Variants in GABRB2 observed in about 807,000 individuals in gnomAD.
GABRB2 encodes gamma-aminobutyric acid receptor subunit beta-2.
In GABRB2, 16 loss-of-function variants were observed where a neutral mutation model predicts 54.7. The ratio of observed to expected loss-of-function variants is 0.29; its 90% CI spans 0.20 to 0.44. The LOEUF (loss-of-function observed/expected upper bound fraction) is 0.44. GABRB2 is among the 20% of genes least tolerant of loss of function. The pLI is 1.00. For missense variants in GABRB2, 355 were observed against 644.0 expected (o/e 0.55, Z 4.86); for synonymous variants, 244 against 233.8 (o/e 1.04, Z -0.40).
chr5:161,417,145 G>A (rs1284097570), intron 4 of GABRB2, among the ~76,000 whole-genome samples: 1 of 152,118 alleles, frequency 6.6e-6, no homozygotes, highest in Non-Finnish European at 1.5e-5. Context: ...AACCATTTTA[G>A]TTAGAAAATG....
chr5:161,496,222 C>G (rs1284615588), intron 3 of GABRB2, among the ~76,000 whole-genome samples: 1 of 152,056 alleles, frequency 6.6e-6, no homozygotes, highest in African/African-American at 2.4e-5. Flanking sequence ...GCTCTTTTTT[C>G]CTACCCATAA....
At chr5:161,363,695 C>A (rs1223469690) in intron 5 of GABRB2, among the ~76,000 whole-genome samples, 10 of 151,988 alleles carry the variant, frequency 6.6e-5, no homozygotes, top group African/African-American at 2.4e-4. Flanking sequence ...GAGCAATGCC[C>A]TGCCTCAAAA....
chr5:161,464,018 T>C (rs1253511530), intron 3 of GABRB2, among the ~76,000 whole-genome samples: 1 of 151,894 alleles, frequency 6.6e-6, no homozygotes, highest in Non-Finnish European at 1.5e-5. Flanking sequence ...ACAGAAGAAA[T>C]TCTCTGACTT....
At chr5:161,445,300 C>T (rs148534848) in intron 4 of GABRB2, among the ~76,000 whole-genome samples, 59 of 152,228 alleles carry the variant, frequency 3.9e-4, no homozygotes, top group African/African-American at 1.3e-3. Flanking sequence ...TTGGCTTTCT[C>T]TTCTTGCAAG....
intron 3 of GABRB2, among the ~76,000 whole-genome samples, chr5:161,516,468 T>C (rs924033571): frequency 6.6e-5 from 10 of 152,214 alleles, no homozygotes; most frequent in Non-Finnish European, 1.0e-4. Context: ...ACTCCTTCTA[T>C]GCCCGTATTA....
At chr5:161,412,984 C>T (rs1419421630) in intron 4 of GABRB2, among the ~76,000 whole-genome samples, 1 of 152,160 alleles carries the variant, frequency 6.6e-6, no homozygotes, top group Non-Finnish European at 1.5e-5. Flanking sequence ...CAGCTCACTG[C>T]AGCCTCAACC....
intron 9 of GABRB2, among the ~76,000 whole-genome samples, chr5:161,318,034 G>A (rs1758094975): frequency 6.6e-6 from 1 of 151,964 alleles, no homozygotes; most frequent in Non-Finnish European, 1.5e-5. Context: ...GCAAAGTACT[G>A]CTGGTGTTTT....
chr5:161,545,315 C>A, intron 2 of GABRB2, 21 bp from the exon 3 acceptor site: 2 of 1,578,728 alleles, frequency 1.3e-6, no homozygotes, highest in Admixed American at 1.9e-5. Flanking sequence ...AGACGGCCAG[C>A]CACGTGATTT....
chr5:161,468,211 T>C (rs1758333411), intron 3 of GABRB2, among the ~76,000 whole-genome samples: 1 of 152,092 alleles, frequency 6.6e-6, no homozygotes, highest in Non-Finnish European at 1.5e-5. Context: ...TTGCTTAAGA[T>C]GGTCTAAAAG....
At chr5:161,382,488 C>T (rs1755499621) in intron 5 of GABRB2, among the ~76,000 whole-genome samples, 1 of 151,986 alleles carries the variant, frequency 6.6e-6, no homozygotes, top group African/African-American at 2.4e-5. Context: ...CGAATGATAC[C>T]ATATCAATAA....
chr5:161,305,426 A>G (rs942559304), intron 9 of GABRB2, among the ~76,000 whole-genome samples: 9 of 152,220 alleles, frequency 5.9e-5, no homozygotes, highest in Non-Finnish European at 1.2e-4. Context: ...ATGAGCTTAC[A>G]TAAGCTCCAA....
chr5:161,440,829 A>G (rs1241604667), intron 4 of GABRB2, among the ~76,000 whole-genome samples: 1 of 152,184 alleles, frequency 6.6e-6, no homozygotes. Context: ...CCTACAGTGA[A>G]CCCATTTTTG....
At chr5:161,483,030 A>C (rs569064243) in intron 3 of GABRB2, among the ~76,000 whole-genome samples, 1 of 152,064 alleles carries the variant, frequency 6.6e-6, no homozygotes, top group African/African-American at 2.4e-5. Context: ...TATTTTTCTT[A>C]GAAATTTGCT....
chr5:161,420,108 T>G (rs577392345), intron 4 of GABRB2, among the ~76,000 whole-genome samples: 24 of 152,326 alleles, frequency 1.6e-4, no homozygotes, highest in African/African-American at 5.8e-4. Context: ...TGCCAGATAC[T>G]TTTTATTGCA....
At chr5:161,302,873 A>G (rs1243478273) in intron 9 of GABRB2, among the ~76,000 whole-genome samples, 1 of 152,246 alleles carries the variant, frequency 6.6e-6, no homozygotes, top group Non-Finnish European at 1.5e-5. Context: ...GGGAGGGCCA[A>G]CATCTTTGAC....
chr5:161,315,412 G>A (rs1018767671), intron 9 of GABRB2, among the ~76,000 whole-genome samples: 1 of 152,072 alleles, frequency 6.6e-6, no homozygotes, highest in African/African-American at 2.4e-5. Flanking sequence ...TTGGTCCTGG[G>A]AGCATGTTTC....
At chr5:161,302,958 G>A (rs1427581249) in intron 9 of GABRB2, among the ~76,000 whole-genome samples, 1 of 152,106 alleles carries the variant, frequency 6.6e-6, no homozygotes, top group African/African-American at 2.4e-5. Flanking sequence ...AAAGTAAACA[G>A]GAAATACTGC....
chr5:161,329,328 C>T (rs1217289436), intron 8 of GABRB2: 1 of 152,028 alleles, frequency 6.6e-6, no homozygotes, highest in Non-Finnish European at 1.5e-5. Context: ...AATACTCTTT[C>T]ATTTGACAGC....
At chr5:161,515,498 G>C (rs1255704699) in intron 3 of GABRB2, among the ~76,000 whole-genome samples, 1 of 151,452 alleles carries the variant, frequency 6.6e-6, no homozygotes, top group Non-Finnish European at 1.5e-5. Flanking sequence ...ACTTTAATTA[G>C]CTAAAAAGAA....
Sources: gnomAD v4.1 joint callset for allele counts (sites outside exome capture counted in the v4.1 genomes callset) on GRCh38, gnomAD v4.1.1 for gene constraint, MANE v1.5 for transcripts, NCBI Gene and HGNC (gene_info 2026-07-23, HGNC 2026-07-21) for gene names.